Variants in CTNNA3 observed in about 807,000 individuals in gnomAD.
The protein encoded by CTNNA3 is catenin alpha-3.
In CTNNA3, 76 loss-of-function variants were observed where a neutral mutation model predicts 95.7. The observed-to-expected ratio is 0.79, with a 90% CI of 0.66 to 0.96. CTNNA3 has a LOEUF of 0.96. Ranked by LOEUF, CTNNA3 falls within the 40% of genes least tolerant of loss-of-function variation. CTNNA3 has a pLI of 0.00. For missense variants in CTNNA3, 1,191 were observed against 1,089.8 expected (o/e 1.09, Z -1.31); for synonymous variants, 431 against 374.4 (o/e 1.15, Z -1.74).
At chr10:67,685,964 C>T (rs1162651727) in intron 1 of CTNNA3, among the ~76,000 whole-genome samples, 2 of 152,186 alleles carry the variant, frequency 1.3e-5, no homozygotes. Context: ...CTCTTTCCTT[C>T]TGTCTTTGAC....
chr10:67,312,829 A>G (rs1589154438), intron 5 of CTNNA3, among the ~76,000 whole-genome samples: 1 of 152,242 alleles, frequency 6.6e-6, no homozygotes, highest in African/African-American at 2.4e-5. Flanking sequence ...TGTGGTAAAA[A>G]GTCTGGACTT....
chr10:67,620,844 AATTT>A (rs1843809009), intron 2 of CTNNA3, among the ~76,000 whole-genome samples: 1 of 150,388 alleles, frequency 6.6e-6, no homozygotes, highest in African/African-American at 2.4e-5. Context: ...ATTAAGCCTT[AATTT>A]ATTTAATTTG....
chr10:65,955,197 T>C (rs947503781), intron 17 of CTNNA3, among the ~76,000 whole-genome samples: 1 of 152,204 alleles, frequency 6.6e-6, no homozygotes, highest in Non-Finnish European at 1.5e-5. Context: ...TTGTCTGTTA[T>C]TGGCGTATAG....
chr10:67,177,073 A>G, intron 7 of CTNNA3: 1 of 424,502 alleles, frequency 2.4e-6, no homozygotes, highest in South Asian at 1.7e-5. Context: ...ACATATATAC[A>G]TATGTATCCA....
At chr10:67,405,912 C>T (rs1314664577) in intron 5 of CTNNA3, among the ~76,000 whole-genome samples, 1 of 152,172 alleles carries the variant, frequency 6.6e-6, no homozygotes. Context: ...TTCAAACCCA[C>T]ATAATATGGT....
At chr10:67,270,633 C>A (rs1023488051) in intron 5 of CTNNA3, among the ~76,000 whole-genome samples, 10 of 152,034 alleles carry the variant, frequency 6.6e-5, no homozygotes, top group African/African-American at 2.4e-4. Flanking sequence ...AAATGTGCTC[C>A]GTATAAGTGA....
chr10:66,374,618 T>C (rs2092780629), intron 12 of CTNNA3, among the ~76,000 whole-genome samples: 1 of 138,498 alleles, frequency 7.2e-6, no homozygotes, highest in Admixed American at 7.2e-5. Context: ...TTTTTTTTTT[T>C]TTTTTTTTTT....
At chr10:67,443,748 C>T (rs1846627800) in intron 5 of CTNNA3, among the ~76,000 whole-genome samples, 1 of 151,834 alleles carries the variant, frequency 6.6e-6, no homozygotes, top group Non-Finnish European at 1.5e-5. Flanking sequence ...TTGTAGGTTG[C>T]CTGTTCACTC....
rs1840461828 is a variant in CTNNA3 at position 67,672,761 on chromosome 10, A to T, written c.-6+23239T>A. Among the ~76,000 whole-genome samples, 9 of 152,224 alleles carry T rather than the reference A, an allele frequency of 5.9e-5. No individual in the cohort carries two copies. In the South Asian group the frequency reaches 1.9e-3, roughly 32 times the overall value. On this transcript the variant is annotated intron_variant, in intron 1 of 17. Transcript: ENST00000433211. ...AGTATCATGCTGTTTTGGTTACTGT[A>T]GCCTTGTAGTATAGTTTGAAGTCAG...
intron 7 of CTNNA3, among the ~76,000 whole-genome samples, chr10:66,787,443 G>C (rs1447060441): frequency 6.6e-6 from 1 of 152,040 alleles, no homozygotes; most frequent in Admixed American, 6.6e-5. Flanking sequence ...ACAGAAGTTG[G>C]AGACGACTTA....
chr10:66,180,357 T>C (rs1202987364), intron 13 of CTNNA3, among the ~76,000 whole-genome samples: 2 of 152,136 alleles, frequency 1.3e-5, no homozygotes, highest in African/African-American at 4.8e-5. Flanking sequence ...TAAAGATAAT[T>C]CTGCTCCAAA....
chr10:65,973,291 G>A (rs2078145507), intron 16 of CTNNA3, among the ~76,000 whole-genome samples: 1 of 152,054 alleles, frequency 6.6e-6, no homozygotes. Context: ...ATCAGTCTTG[G>A]GAAAGACATT....
At chr10:66,908,800 T>G (rs1002542433) in intron 7 of CTNNA3, among the ~76,000 whole-genome samples, 11 of 152,142 alleles carry the variant, frequency 7.2e-5, no homozygotes, top group Admixed American at 7.2e-4. Context: ...CACCCTGTGC[T>G]TTTTTCATGC....
intron 17 of CTNNA3, among the ~76,000 whole-genome samples, chr10:65,928,982 C>T (rs761325065): frequency 2.6e-5 from 4 of 151,782 alleles, no homozygotes; most frequent in Non-Finnish European, 5.9e-5. Context: ...CCCAGCAACT[C>T]GTCATTTAAC....
At chr10:67,461,360 A>T (rs141816936) in intron 5 of CTNNA3, among the ~76,000 whole-genome samples, 1 of 152,168 alleles carries the variant, frequency 6.6e-6, no homozygotes, top group African/African-American at 2.4e-5. Context: ...TATCCCAAGT[A>T]CCTGTCTTAT....
chr10:67,743,228 T>G (rs1371031017), intron 1 of CTNNA3, among the ~76,000 whole-genome samples: 1 of 151,234 alleles, frequency 6.6e-6, no homozygotes, highest in African/African-American at 2.4e-5. Flanking sequence ...ATATCCTTGA[T>G]GAACATTGAT....
At chr10:66,424,143 C>A (rs1418359000) in intron 11 of CTNNA3, among the ~76,000 whole-genome samples, 1 of 151,870 alleles carries the variant, frequency 6.6e-6, no homozygotes, top group Non-Finnish European at 1.5e-5. Flanking sequence ...TCTATTTATG[C>A]ACTACTTTAT....
intron 7 of CTNNA3, among the ~76,000 whole-genome samples, chr10:67,179,982 C>T (rs1177751019): frequency 6.6e-6 from 1 of 152,122 alleles, no homozygotes; most frequent in Non-Finnish European, 1.5e-5. Context: ...GAGCAATCTG[C>T]CCCTCTCTTT....
intron 7 of CTNNA3, among the ~76,000 whole-genome samples, chr10:67,041,306 A>C (rs1854379547): frequency 6.6e-6 from 1 of 152,104 alleles, no homozygotes; most frequent in Non-Finnish European, 1.5e-5. Context: ...TGGAGAGTTA[A>C]GGCTCCCCAA....
Sources: gnomAD v4.1 joint callset for allele counts (sites outside exome capture counted in the v4.1 genomes callset) on GRCh38, gnomAD v4.1.1 for gene constraint, MANE v1.5 for transcripts, NCBI Gene and HGNC (gene_info 2026-07-23, HGNC 2026-07-21) for gene names.